Variants in RNF40 observed in about 807,000 individuals in gnomAD.
RNF40 encodes E3 ubiquitin-protein ligase BRE1B.
Under a neutral mutation model 123.3 loss-of-function variants are expected in RNF40, and 39 were observed. The observed-to-expected ratio is 0.32, with a 90% confidence interval of 0.24 to 0.41. RNF40 has a LOEUF of 0.41. Ranked by LOEUF, RNF40 falls within the 10% of genes least tolerant of loss-of-function variation. RNF40 has a pLI of 1.00. For missense variants in RNF40, 1,003 were observed against 1,319.9 expected (o/e 0.76, Z 3.72); for synonymous variants, 538 against 526.0 (o/e 1.02, Z -0.31).
At chr16:30,773,014 ATAGT>A (rs1167996491) in intron 19 of RNF40, among the ~76,000 whole-genome samples, 1 of 152,126 alleles carries the variant, frequency 6.6e-6, no homozygotes, top group Non-Finnish European at 1.5e-5. Flanking sequence ...AACTAGGTGG[ATAGT>A]TAGTACCATT....
intron 17 of RNF40, 25 bp from the exon 18 acceptor site, chr16:30,771,808 C>T (rs1346609916): frequency 1.3e-6 from 2 of 1,535,848 alleles, no homozygotes; most frequent in Non-Finnish European, 1.8e-6. Context: ...AGACCAGTGC[C>T]TCCTTCCTGT....
rs1205185435 is a variant in RNF40, at chr16:30,770,086, C to T, written c.2586+486C>T. On this transcript the variant is annotated intron_variant, in intron 17 of 19. Transcript: ENST00000324685. ...TGCACTGCAGTCTGGGTGACAAGAG[C>T]GAGACTCTGTCCCTAGGGAAAAAAA... is the stretch of plus-strand genomic sequence containing the variant. 1.1e-4 allele frequency among the ~76,000 whole-genome samples: 9 copies of T among 80,442 alleles called. No individual in the cohort carries two copies. The East Asian group carries it at 1.6e-3, about 14-fold the overall frequency. The allele number at this position is 80,442 out of a possible 152,430, so 52.8% of individuals were successfully genotyped here.
intron 19 of RNF40, among the ~76,000 whole-genome samples, chr16:30,773,048 C>T (rs917118341): frequency 7.9e-5 from 12 of 151,886 alleles, no homozygotes; most frequent in African/African-American, 2.7e-4. Context: ...AGGAGGCCTG[C>T]GGGGGAGCAG....
rs748219583 is a variant in RNF40 at position 30,768,892 on chromosome 16, A to G, written c.2152A>G (p.Ser718Gly). 14 of 1,614,068 alleles carry G rather than the reference A, an allele frequency of 8.7e-6. No homozygotes were observed. The highest frequency in any genetic ancestry group is 3.3e-5 in the South Asian group (3 of 91,086). The change falls in exon 15 of 20, where the codon AGC becomes GGC. Residue 718 changes from serine to glycine, a missense_variant. By Grantham distance (56) the Ser-to-Gly change is moderately conservative (BLOSUM62 0). Around this residue, in one of 11 missense-constraint regions of RNF40, gnomAD observed 295 missense variants for 331.7 expected, o/e 0.89. Transcript: ENST00000324685. The surrounding 1 kb of genome is among the most constrained non-coding windows in gnomAD (Gnocchi z 4.1). ...ATTGGAGGAGAGGGATCGAAGGGAG[A>G]GCAAGAAGATCGCGGATGAGGATGC... The part of the protein sequence containing the change: ...RELEERDRRE[S>G]KKIADEDALR...
rs937397163 is a variant in RNF40 at position 30,774,993 on chromosome 16, G to C, written c.*879G>C. On this transcript the variant is annotated 3_prime_UTR_variant, in exon 20 of 20. Transcript: ENST00000324685. ...ACTTCCAATCATTCCAGCTAGAAGAGCTTCCCCCTGACACCCTGTGACTGA... is the reference window on the plus strand; with the variant it reads ...ACTTCCAATCATTCCAGCTAGAAGACCTTCCCCCTGACACCCTGTGACTGA... 8.8e-6 allele frequency: 4 copies of C among 456,418 alleles called. No homozygotes were observed. Among genetic ancestry groups the C allele is most frequent in the South Asian group, 6.2e-5 (4 of 64,568 alleles). 28.3% of individuals were successfully genotyped at this position (456,418 alleles called of 1,614,324 possible).
intron 19 of RNF40, 24 bp downstream of exon 19, chr16:30,772,214 C>G: frequency 6.6e-7 from 1 of 1,518,220 alleles, no homozygotes; most frequent in East Asian, 2.5e-5. Context: ...CCAAGTTGTG[C>G]CCTATCCACC....
rs777265818 is a variant in RNF40 at position 30,768,380 on chromosome 16, C to G, written c.1829C>G (p.Pro610Arg). Residue 610 changes from proline (P) to arginine (R), a missense_variant, in exon 13 of 20, where the codon CCC becomes CGC. Around this residue, in one of 11 missense-constraint regions of RNF40, gnomAD observed 295 missense variants for 331.7 expected, o/e 0.89. Coordinates refer to ENST00000324685, the MANE Select transcript of RNF40 (RefSeq NM_014771.4). The surrounding 1 kb of genome is among the most constrained non-coding windows in gnomAD (Gnocchi z 4.1). ...SSRGREPEAR[P>R]KRELREREGP... ...CGGGGCCGAGAACCTGAGGCCAGGCCCAAGCGGGAGCTTCGGGAACGGGAA... is the reference window on the plus strand; with the variant it reads ...CGGGGCCGAGAACCTGAGGCCAGGCGCAAGCGGGAGCTTCGGGAACGGGAA... The G allele has an allele frequency of 6.2e-7, 1 of 1,613,720 alleles. No homozygotes were observed. The highest frequency in any genetic ancestry group is 8.5e-7 in the Non-Finnish European group (1 of 1,179,884).
upstream of RNF40, chr16:30,762,064 A>G (rs563007975): frequency 1.7e-4 from 76 of 434,360 alleles, 1 homozygote; most frequent in South Asian, 2.4e-3. Flanking sequence ...TGCTAATACG[A>G]GGGCCGGTGC....
intron 7 of RNF40, 49 bp downstream of exon 7, chr16:30,765,376 C>T (rs1290632640): frequency 6.2e-7 from 1 of 1,614,006 alleles, no homozygotes; most frequent in Admixed American, 1.7e-5. Flanking sequence ...GCCCTTGGGC[C>T]TTAGCTCCTC....
Position 30,774,177 on chromosome 16 carries a change from C to T in RNF40, c.*63C>T. 1 of 1,514,564 alleles carries T rather than the reference C, an allele frequency of 6.6e-7. No individual in the cohort carries two copies. The highest frequency in any genetic ancestry group is 8.9e-7 in the Non-Finnish European group (1 of 1,120,142). 93.8% of individuals were successfully genotyped at this position (1,514,564 alleles called of 1,614,324 possible). ...TGGGGGCTGTGCCCCCATCTCCTCC[C>T]CACCCCAGGTCTAGTGGCCCCACCC... is the stretch of plus-strand genomic sequence containing the variant. On this transcript the variant is annotated 3_prime_UTR_variant, in exon 20 of 20. Coordinates refer to ENST00000324685, the MANE Select transcript of RNF40 (RefSeq NM_014771.4).
In RNF40 at chr16:30,774,697, G is replaced by A. The variant is rs1172141917; in HGVS notation, c.*583G>A. The stretch of plus-strand genomic sequence containing the variant: ...GGAGGTACCCTCTTGGCAGATGGGG[G>A]CATCACTTGCTTCCTTTGGGAAGCT... On this transcript the variant is annotated 3_prime_UTR_variant, in exon 20 of 20. Coordinates refer to ENST00000324685, the MANE Select transcript of RNF40 (RefSeq NM_014771.4). The A allele has an allele frequency of 6.2e-6, 2 of 321,912 alleles. No individual in the cohort carries two copies. Among genetic ancestry groups the A allele is most frequent in the East Asian group, 1.8e-4 (2 of 11,330 alleles). 19.9% of individuals were successfully genotyped at this position (321,912 alleles called of 1,614,324 possible). A position where few individuals can be genotyped will look rare whatever the true frequency, so the allele number is the denominator to read the frequency against.
chr16:30,763,024 T>C, intron 2 of RNF40, 94 bp from the exon 3 acceptor site: 1 of 1,372,504 alleles, frequency 7.3e-7, no homozygotes, highest in South Asian at 1.2e-5. Flanking sequence ...CCATCTCCCA[T>C]GCATTGCAGA....
At chr16:30,764,089 A>G (rs2053975795) in intron 4 of RNF40, 90 bp from the exon 5 acceptor site, 1 of 983,390 alleles carries the variant, frequency 1.0e-6, no homozygotes, top group South Asian at 1.6e-5. Context: ...TAAGTGAACC[A>G]TGAGTATTGA....
intron 18 of RNF40, 37 bp downstream of exon 18, chr16:30,772,010 C>T (rs772122452): frequency 1.0e-5 from 16 of 1,585,280 alleles, no homozygotes; most frequent in Non-Finnish European, 1.3e-5. Context: ...CAGGGTGGTC[C>T]ACGGTCACGG....
intron 17 of RNF40, among the ~76,000 whole-genome samples, 154 bp from the exon 18 acceptor site, chr16:30,771,679 G>A (rs2054150626): frequency 6.6e-6 from 1 of 152,144 alleles, no homozygotes; most frequent in Non-Finnish European, 1.5e-5. Context: ...TGGAGAGGGA[G>A]AACAGGAGGG....
In RNF40 at chr16:30,768,209, GC is replaced by G; in HGVS notation, c.1661del (p.Pro554LeufsTer24). The G allele has an allele frequency of 6.2e-7, 1 of 1,613,684 alleles. No homozygotes were observed. Among genetic ancestry groups the G allele is most frequent in the South Asian group, 1.1e-5 (1 of 91,064 alleles). Reference protein sequence around the residue: ...PAPGKEEGGPGPVSTPDNRKE... With the variant: ...PAPGKEEGGPXPVSTPDNRKE... ...CCAGGGAAAGAGGAGGGTGGGCCAG[GC>G]CCTGTCAGTACCCCCGACAACAGAA... On this transcript the variant is annotated frameshift_variant, in exon 13 of 20. Transcript: ENST00000324685. LOFTEE classifies it high-confidence loss of function. The surrounding 1 kb of genome is among the most constrained non-coding windows in gnomAD (Gnocchi z 4.1).
rs2054204782 is a variant in RNF40, at chr16:30,774,773, C to T, written c.*659C>T. ...CATCTTGCAGGTGCTGAACCAACAT[C>T]ATCAGTTTCTATTCTAATCAGGCCC... On this transcript the variant is annotated 3_prime_UTR_variant, in exon 20 of 20. Transcript: ENST00000324685. The T allele has an allele frequency of 5.7e-6, 2 of 349,498 alleles. No homozygotes were observed. The highest frequency in any genetic ancestry group is 7.9e-5 in the Admixed American group (2 of 25,356). 21.6% of individuals were successfully genotyped at this position (349,498 alleles called of 1,614,324 possible). A position where few individuals can be genotyped will look rare whatever the true frequency, so the allele number is the denominator to read the frequency against.
upstream of RNF40, chr16:30,761,639 C>G (rs745859898): frequency 5.9e-6 from 9 of 1,535,954 alleles, no homozygotes; most frequent in African/African-American, 1.2e-4. Flanking sequence ...CGCGGCCGAC[C>G]CATGCACTGA....
chr16:30,769,743 G>A (rs2054113349), intron 17 of RNF40, 143 bp downstream of exon 17: 4 of 888,948 alleles, frequency 4.5e-6, no homozygotes, highest in Non-Finnish European at 6.6e-6. Context: ...ACATTTACAT[G>A]TGCCAGACCA....
Sources: allele counts gnomAD v4.1 joint callset (sites outside exome capture counted in the v4.1 genomes callset), GRCh38; gene constraint gnomAD v4.1.1; regional missense constraint gnomAD v4.1.1; non-coding constraint Gnocchi (gnomAD v3.1); transcripts MANE v1.5; gene names NCBI Gene and HGNC (gene_info 2026-07-23, HGNC 2026-07-21).